Variants in IL1RAPL1 observed in about 807,000 individuals in gnomAD.
IL1RAPL1 encodes the protein interleukin-1 receptor accessory protein-like 1.
In IL1RAPL1, 3 loss-of-function variants were observed where a neutral mutation model predicts 48.4. The ratio of observed to expected loss-of-function variants is 0.06; its 90% CI spans 0.03 to 0.16. The LOEUF (loss-of-function observed/expected upper bound fraction) is 0.16, where lower values mean the gene tolerates loss of function less well. IL1RAPL1 is among the 10% of genes least tolerant of loss of function. The probability of loss-of-function intolerance (pLI) is 1.00; values close to 1 mark genes in which losing one functional copy is unlikely to be tolerated. For synonymous variants in IL1RAPL1, 185 were observed against 187.7 expected, an observed-to-expected ratio of 0.99 and a Z score of 0.12; for missense variants, 349 against 530.6, an observed-to-expected ratio of 0.66 and a Z score of 3.36.
At chrX:28,903,512 A>G (rs1432592447) in intron 2 of IL1RAPL1, among the ~76,000 whole-genome samples, 1 of 108,751 alleles carries the variant, frequency 9.2e-6, no homozygotes, top group Non-Finnish European at 1.9e-5. Context: ...GGTGTCATTG[A>G]CATCTACCAC....
At chrX:29,513,333 A>G (rs1410478010) in intron 5 of IL1RAPL1, among the ~76,000 whole-genome samples, 1 of 111,601 alleles carries the variant, frequency 9.0e-6, no homozygotes, top group African/African-American at 3.3e-5. Context: ...ATCACTTTTA[A>G]CAATGCATTC....
chrX:29,200,828 T>C (rs775227223), intron 2 of IL1RAPL1, among the ~76,000 whole-genome samples: 27 of 112,111 alleles, frequency 2.4e-4, no homozygotes, highest in African/African-American at 7.8e-4. Flanking sequence ...TTCTTTTTTT[T>C]CTTAACTTTT....
intron 2 of IL1RAPL1, among the ~76,000 whole-genome samples, chrX:29,129,250 T>C (rs968323466): frequency 2.7e-5 from 3 of 110,056 alleles, no homozygotes; most frequent in Admixed American, 9.7e-5. Flanking sequence ...TCCATGTTGG[T>C]CAGGCTGGTC....
chrX:28,862,072 A>G (rs1290218535), intron 2 of IL1RAPL1, among the ~76,000 whole-genome samples: 1 of 111,783 alleles, frequency 8.9e-6, no homozygotes, highest in Non-Finnish European at 1.9e-5. Flanking sequence ...AGAAAATTTG[A>G]AGGAATAATT....
intron 2 of IL1RAPL1, among the ~76,000 whole-genome samples, chrX:29,183,579 T>C (rs1930189366): frequency 8.9e-6 from 1 of 112,326 alleles, no homozygotes; most frequent in African/African-American, 3.2e-5. Context: ...GTACAAACTG[T>C]CATCCCCAGT....
At chrX:28,988,746 G>A (rs2147380146) in intron 2 of IL1RAPL1, among the ~76,000 whole-genome samples, 1 of 111,414 alleles carries the variant, frequency 9.0e-6, no homozygotes, top group East Asian at 2.8e-4. Flanking sequence ...CATCACTGTG[G>A]GTAAATTATT....
chrX:29,541,035 A>G (rs1921421542), intron 5 of IL1RAPL1, among the ~76,000 whole-genome samples: 1 of 112,257 alleles, frequency 8.9e-6, no homozygotes, highest in Non-Finnish European at 1.9e-5. Flanking sequence ...TATGCCTCTG[A>G]CAAAGGTCTA....
intron 2 of IL1RAPL1, among the ~76,000 whole-genome samples, chrX:29,148,140 C>A (rs926364755): frequency 9.0e-6 from 1 of 111,310 alleles, no homozygotes; most frequent in Non-Finnish European, 1.9e-5. Context: ...TATAGACATA[C>A]AAATACAGTC....
chrX:28,811,510 T>G (rs971242933), intron 2 of IL1RAPL1, among the ~76,000 whole-genome samples: 1 of 110,557 alleles, frequency 9.0e-6, no homozygotes, highest in Non-Finnish European at 1.9e-5. Context: ...AATGAAGATG[T>G]GCTCTGGAAA....
intron 2 of IL1RAPL1, among the ~76,000 whole-genome samples, chrX:29,273,105 C>T (rs968146242): frequency 9.0e-6 from 1 of 111,707 alleles, no homozygotes; most frequent in African/African-American, 3.3e-5. Context: ...ATTTTCATTC[C>T]TATTTATATT....
intron 2 of IL1RAPL1, among the ~76,000 whole-genome samples, chrX:29,202,248 A>G (rs1569258472): frequency 8.9e-6 from 1 of 111,853 alleles, no homozygotes; most frequent in Non-Finnish European, 1.9e-5. Flanking sequence ...ACAGCCAACA[A>G]TCATGAAAAA....
At chrX:29,027,541 C>T (rs1336053701) in intron 2 of IL1RAPL1, among the ~76,000 whole-genome samples, 3 of 111,815 alleles carry the variant, frequency 2.7e-5, no homozygotes, top group Non-Finnish European at 5.6e-5. Context: ...TCAGCTCCTT[C>T]GGGTAAAAAC....
In IL1RAPL1 at chrX:28,999,187, C is replaced by A. The variant is rs181846844; in HGVS notation, c.82+209762C>A. On this transcript the variant is annotated intron_variant, in intron 2 of 10. Coordinates refer to ENST00000378993, the MANE Select transcript of IL1RAPL1 (RefSeq NM_014271.4). ...CCATAGTCTCAACTTCAAACATCCT[C>A]TACTCCCTCTCTTTCTTCTTTCCCC... Among the ~76,000 whole-genome samples, 216 of 110,584 alleles carry A rather than the reference C, an allele frequency of 2.0e-3. 1 individual carries two copies. The highest frequency in any genetic ancestry group is 6.9e-3 in the African/African-American group (206 of 29,975).
intron 2 of IL1RAPL1, among the ~76,000 whole-genome samples, chrX:29,048,835 A>G (rs1279265078): frequency 8.9e-6 from 1 of 112,435 alleles, no homozygotes; most frequent in African/African-American, 3.2e-5. Flanking sequence ...TCACTCTTTT[A>G]TGAACCACAA....
At chrX:29,101,662 G>A (rs920806769) in intron 2 of IL1RAPL1, among the ~76,000 whole-genome samples, 10 of 112,109 alleles carry the variant, frequency 8.9e-5, no homozygotes, top group East Asian at 8.4e-4. Flanking sequence ...TCAGCTGGGC[G>A]CGGTGGCTCA....
At chrX:29,302,805 T>A (rs183928074) in intron 3 of IL1RAPL1, among the ~76,000 whole-genome samples, 2 of 111,602 alleles carry the variant, frequency 1.8e-5, no homozygotes, top group East Asian at 5.7e-4. Flanking sequence ...TAGATTGGAC[T>A]CCTCTAGAAA....
intron 9 of IL1RAPL1, among the ~76,000 whole-genome samples, chrX:29,950,561 C>A (rs187374137): frequency 1.8e-5 from 2 of 111,735 alleles, no homozygotes; most frequent in Non-Finnish European, 3.8e-5. Context: ...CTACTCTTCA[C>A]CTACTGAATG....
At chrX:28,780,957 AT>A (rs2147261558) in intron 1 of IL1RAPL1, among the ~76,000 whole-genome samples, 1 of 111,555 alleles carries the variant, frequency 9.0e-6, no homozygotes, top group African/African-American at 3.2e-5. Context: ...CATCTTACAG[AT>A]ATTCTCTACA....
chrX:29,278,159 A>T (rs1932146814), intron 2 of IL1RAPL1, among the ~76,000 whole-genome samples: 1 of 112,224 alleles, frequency 8.9e-6, no homozygotes, highest in Non-Finnish European at 1.9e-5. Context: ...TTTTTGAAAG[A>T]ATTCAAACTT....
Sources: gnomAD v4.1 joint callset for allele counts (sites outside exome capture counted in the v4.1 genomes callset) on GRCh38, gnomAD v4.1.1 for gene constraint, MANE v1.5 for transcripts, NCBI Gene and HGNC (gene_info 2026-07-23, HGNC 2026-07-21) for gene names.